Variants in WWOX observed in about 807,000 individuals in gnomAD.
WWOX encodes WW domain containing oxidoreductase.
A neutral mutation model predicts 46.2 loss-of-function variants in WWOX; 69 were observed. That is an observed-to-expected ratio of 1.49 (90% CI 1.23 to 1.82). The LOEUF is 1.82. Among genes scored for constraint, WWOX ranks in the 40% most tolerant of loss-of-function variants. WWOX has a pLI of 0.00. For missense variants in WWOX, 919 were observed against 542.6 expected, an observed-to-expected ratio of 1.69 and a Z score of -6.89; for synonymous variants, 359 against 202.6, an observed-to-expected ratio of 1.77 and a Z score of -6.56.
At chr16:78,689,164 T>C (rs1483027189) in intron 8 of WWOX, among the ~76,000 whole-genome samples, 7 of 152,158 alleles carry the variant, frequency 4.6e-5, no homozygotes, top group African/African-American at 1.7e-4. Flanking sequence ...CACCCTCTAC[T>C]TCCACCCCAC....
intron 1 of WWOX, among the ~76,000 whole-genome samples, chr16:78,102,889 T>C (rs1042991192): frequency 1.4e-4 from 21 of 152,060 alleles, no homozygotes; most frequent in Admixed American, 1.2e-3. Flanking sequence ...TGTGGGTGGG[T>C]GGGTGGTGCA....
At chr16:78,436,698 C>A (rs1481295329) in intron 8 of WWOX, among the ~76,000 whole-genome samples, 2 of 152,238 alleles carry the variant, frequency 1.3e-5, no homozygotes, top group South Asian at 4.1e-4. Flanking sequence ...ACTTTTCTTT[C>A]ATAAACATTT....
At chr16:78,360,148 C>A (rs1361492475) in intron 5 of WWOX, among the ~76,000 whole-genome samples, 1 of 152,148 alleles carries the variant, frequency 6.6e-6, no homozygotes, top group Non-Finnish European at 1.5e-5. Flanking sequence ...ACACTATTCC[C>A]CCATCAACAA....
At chr16:78,463,242 T>A (rs1374868693) in intron 8 of WWOX, among the ~76,000 whole-genome samples, 1 of 152,138 alleles carries the variant, frequency 6.6e-6, no homozygotes, top group South Asian at 2.1e-4. Context: ...CTATTTTAGG[T>A]GCACTGCGCA....
chr16:78,644,447 A>G (rs879259260), intron 8 of WWOX, among the ~76,000 whole-genome samples: 16 of 151,626 alleles, frequency 1.1e-4, no homozygotes, highest in Non-Finnish European at 2.1e-4. Context: ...TTTCAAACCA[A>G]AAACCTGGGC....
intron 8 of WWOX, among the ~76,000 whole-genome samples, chr16:78,921,018 T>C (rs769121840): frequency 1.1e-4 from 17 of 152,190 alleles, no homozygotes; most frequent in African/African-American, 1.7e-4. Flanking sequence ...TTGCTTGATA[T>C]TAAGCTTTGC....
intron 8 of WWOX, among the ~76,000 whole-genome samples, chr16:78,704,388 A>G (rs1201211906): frequency 1.3e-5 from 2 of 152,112 alleles, no homozygotes; most frequent in Admixed American, 6.5e-5. Flanking sequence ...GCTTGGTTTT[A>G]TCTTTTATAC....
chr16:79,132,678 A>G (rs959985809), intron 8 of WWOX, among the ~76,000 whole-genome samples: 2 of 152,066 alleles, frequency 1.3e-5, no homozygotes, highest in Admixed American at 6.6e-5. Context: ...GTTATTACTT[A>G]TATTGTCGCT....
At chr16:79,058,703 C>G (rs1227882932) in intron 8 of WWOX, among the ~76,000 whole-genome samples, 7 of 152,178 alleles carry the variant, frequency 4.6e-5, no homozygotes, top group Admixed American at 1.3e-4. Flanking sequence ...AAACTTCTGT[C>G]TTTGGGTTTA....
intron 8 of WWOX, among the ~76,000 whole-genome samples, chr16:78,700,737 T>C (rs189533779): frequency 6.6e-6 from 1 of 152,308 alleles, no homozygotes; most frequent in Non-Finnish European, 1.5e-5. Flanking sequence ...CCACAGCCTC[T>C]AGAACCAGGG....
intron 8 of WWOX, among the ~76,000 whole-genome samples, 175 bp from the exon 9 acceptor site, chr16:79,211,433 C>G (rs187358898): frequency 6.6e-6 from 1 of 152,184 alleles, no homozygotes; most frequent in Admixed American, 6.5e-5. Flanking sequence ...CCAGGATAGT[C>G]ACATTATACT....
intron 8 of WWOX, chr16:78,551,633 C>T (rs891979443): frequency 3.3e-5 from 5 of 152,302 alleles, no homozygotes; most frequent in African/African-American, 9.7e-5. Context: ...AGGCAGGCAC[C>T]TGATGCCACT....
rs1421843878 is a variant in WWOX, at chr16:78,472,836, A to AAAAAT, written c.1056+40084_1056+40085insAAAAT. On this transcript the variant is annotated intron_variant, in intron 8 of 8. Transcript: ENST00000566780. ...AAAAAAAAAAAAAAAAAAAAAAAAAATTATGTCATTTCGTTGTCACAGCGT... is the reference window on the plus strand; with the variant it reads ...AAAAAAAAAAAAAAAAAAAAAAAAAAAAAATTTATGTCATTTCGTTGTCACAGCGT... Among the ~76,000 whole-genome samples, 966 of 135,522 alleles carry AAAAAT rather than the reference A, an allele frequency of 7.1e-3. 53 individuals are homozygous for AAAAAT. Among genetic ancestry groups the AAAAAT allele is most frequent in the Non-Finnish European group, 1.0e-2 (628 of 62,938 alleles). 88.9% of individuals were successfully genotyped at this position (135,522 alleles called of 152,430 possible).
At chr16:78,310,653 G>T (rs990210742) in intron 5 of WWOX, among the ~76,000 whole-genome samples, 2 of 152,198 alleles carry the variant, frequency 1.3e-5, no homozygotes, top group Non-Finnish European at 2.9e-5. Flanking sequence ...AGCACATTTG[G>T]CATCTCTCTG....
chr16:79,070,369 T>C (rs573675215), intron 8 of WWOX, among the ~76,000 whole-genome samples: 18 of 152,160 alleles, frequency 1.2e-4, no homozygotes, highest in Non-Finnish European at 1.9e-4. Flanking sequence ...TAAATTGTGC[T>C]TTTAAAGTGT....
At chr16:78,883,678 C>G (rs1377129631) in intron 8 of WWOX, among the ~76,000 whole-genome samples, 1 of 150,222 alleles carries the variant, frequency 6.7e-6, no homozygotes, top group Non-Finnish European at 1.5e-5. Context: ...GAGTTGAGAT[C>G]ATGCTACTGT....
intron 8 of WWOX, among the ~76,000 whole-genome samples, chr16:78,807,858 G>A (rs983410870): frequency 1.3e-5 from 2 of 152,186 alleles, no homozygotes; most frequent in African/African-American, 4.8e-5. Flanking sequence ...CACTTCTTCG[G>A]TTTCATTAAC....
intron 5 of WWOX, among the ~76,000 whole-genome samples, chr16:78,319,278 C>G (rs537612775): frequency 6.7e-6 from 1 of 150,042 alleles, no homozygotes; most frequent in Non-Finnish European, 1.5e-5. Context: ...TTGCTGATGT[C>G]GTTTTACTAT....
chr16:78,153,783 C>A (rs1038781423), intron 4 of WWOX, among the ~76,000 whole-genome samples: 12 of 152,184 alleles, frequency 7.9e-5, no homozygotes, highest in African/African-American at 2.9e-4. Flanking sequence ...ATAATTAAAA[C>A]CATAATTTAC....
Sources: allele counts gnomAD v4.1 joint callset (sites outside exome capture counted in the v4.1 genomes callset), GRCh38; gene constraint gnomAD v4.1.1; transcripts MANE v1.5; gene names NCBI Gene and HGNC (gene_info 2026-07-23, HGNC 2026-07-21).